The following PHLPP1 variants were observed in gnomAD, a reference collection of about 807,000 sequenced individuals.
PHLPP1 encodes the protein PH domain leucine-rich repeat-containing protein phosphatase 1.
PHLPP1 carries 42 observed loss-of-function variants against 117.2 expected under a neutral mutation model. The observed-to-expected ratio is 0.36, with a 90% confidence interval of 0.28 to 0.46. The LOEUF (loss-of-function observed/expected upper bound fraction) is 0.46. Ranked by LOEUF, PHLPP1 falls within the 20% of genes least tolerant of loss-of-function variation. PHLPP1 has a pLI of 1.00. For missense variants in PHLPP1, 2,084 were observed against 2,241.9 expected (o/e 0.93, Z 1.42); for synonymous variants, 1,042 against 970.7 (o/e 1.07, Z -1.37).
rs1413538193 is a variant in PHLPP1, at chr18:62,716,485, GGCCCCCGGCTGGC to G, written c.811_823del (p.Leu271SerfsTer78). 3.3e-6 allele frequency: 4 copies of G among 1,218,260 alleles called. No individual in the cohort carries two copies. The highest frequency in any genetic ancestry group is 4.1e-6 in the Non-Finnish European group (4 of 981,176). The allele number at this position is 1,218,260 out of a possible 1,614,324, so 75.5% of individuals were successfully genotyped here. A position where few individuals can be genotyped will look rare whatever the true frequency, so the allele number is the denominator to read the frequency against. On this transcript the variant is annotated frameshift_variant, in exon 1 of 17. Coordinates refer to ENST00000262719, the MANE Select transcript of PHLPP1 (RefSeq NM_194449.4). LOFTEE classifies it high-confidence loss of function. The surrounding 1 kb of genome is among the most constrained non-coding windows in gnomAD (Gnocchi z 5.7). ...GCCCGCTGAACCGCCCCCCGAGGCCGGCCCCCGGCTGGCGCCCCCGGAGCCGCGGGACTCGGAG... is the reference window on the plus strand; with the variant it reads ...GCCCGCTGAACCGCCCCCCGAGGCCGGCCCCCGGAGCCGCGGGACTCGGAG...
intron 1 of PHLPP1, among the ~76,000 whole-genome samples, chr18:62,762,671 C>T (rs1599032138): frequency 1.3e-5 from 2 of 152,084 alleles, no homozygotes; most frequent in Admixed American, 1.3e-4. Flanking sequence ...GCCTTGGCCT[C>T]CCAAAGTACT....
intron 10 of PHLPP1, among the ~76,000 whole-genome samples, chr18:62,935,688 A>T: frequency 6.6e-6 from 1 of 152,336 alleles, no homozygotes; most frequent in Non-Finnish European, 1.5e-5. Context: ...CGCCAGTACC[A>T]GGAAGTATAT....
chr18:62,940,876 A>G lies in PHLPP1; in HGVS notation c.2961-842A>G, dbSNP rs1333437608. 6.6e-5 allele frequency among the ~76,000 whole-genome samples: 10 copies of G among 152,304 alleles called. No individual in the cohort carries two copies. The East Asian group carries it at 1.5e-3, about 24-fold the overall frequency. On this transcript the variant is annotated intron_variant, in intron 10 of 16. Coordinates refer to ENST00000262719, the MANE Select transcript of PHLPP1 (RefSeq NM_194449.4). ...AGAACATTACAATATTTGAAACGTT[A>G]CACGCCGTCTCCTGGATACTGCCTC... is the stretch of plus-strand genomic sequence containing the variant.
rs561455182 is a variant in PHLPP1 at position 62,978,213 on chromosome 18, C to T, written c.3985-49C>T. On this transcript the variant is annotated intron_variant, in intron 16 of 16. Coordinates refer to ENST00000262719, the MANE Select transcript of PHLPP1 (RefSeq NM_194449.4). This position sits in a 1 kb window ranked among gnomAD's most constrained non-coding sequence, Gnocchi z 7.0. ...ACCCGCAGGGAACCTGCACAGTTGC[C>T]GCAGGTGCTCTGTATTAACTGTCTG... 5.6e-5 allele frequency: 63 copies of T among 1,129,736 alleles called. No homozygotes were observed. The highest frequency in any genetic ancestry group is 7.5e-5 in the Non-Finnish European group (58 of 776,446). 70.0% of individuals were successfully genotyped at this position (1,129,736 alleles called of 1,614,324 possible).
intron 11 of PHLPP1, among the ~76,000 whole-genome samples, chr18:62,943,389 G>T (rs747864318): frequency 6.6e-6 from 1 of 152,188 alleles, no homozygotes; most frequent in Admixed American, 6.5e-5. Context: ...TAGTCATTTT[G>T]TCTTCACATC....
At chr18:62,839,221 C>T (rs1372301714) in intron 3 of PHLPP1, 1 of 233,614 alleles carries the variant, frequency 4.3e-6, no homozygotes, top group African/African-American at 2.3e-5. Context: ...CAGGCTAAGA[C>T]AACTATAAAA....
At chr18:62,753,909 A>G (rs1434953119) in intron 1 of PHLPP1, among the ~76,000 whole-genome samples, 1 of 152,134 alleles carries the variant, frequency 6.6e-6, no homozygotes, top group African/African-American at 2.4e-5. Context: ...GATTGAGGCT[A>G]TTGCTTTTCC....
chr18:62,829,992 G>T (rs1195957839), intron 1 of PHLPP1, 43 bp from the exon 2 acceptor site: 1 of 1,470,486 alleles, frequency 6.8e-7, no homozygotes, highest in Non-Finnish European at 9.3e-7. Context: ...TAGGAAAAGG[G>T]TCCATTTTAA....
chr18:62,944,761 G>A (rs561592747), intron 11 of PHLPP1, among the ~76,000 whole-genome samples: 11 of 152,240 alleles, frequency 7.2e-5, no homozygotes, highest in African/African-American at 2.2e-4. Flanking sequence ...TATTGTATTA[G>A]TGCTGGCTTT....
chr18:62,965,756 AC>A (rs1910882867), intron 14 of PHLPP1, among the ~76,000 whole-genome samples: 1 of 150,682 alleles, frequency 6.6e-6, no homozygotes, highest in African/African-American at 2.4e-5. Context: ...ACTACTCCCA[AC>A]CTAGCCTCTT....
chr18:62,832,597 A>G (rs1193884177), intron 2 of PHLPP1, among the ~76,000 whole-genome samples: 1 of 152,206 alleles, frequency 6.6e-6, no homozygotes, highest in African/African-American at 2.4e-5. Context: ...TCCTCTTTTC[A>G]CAAGCAAAAC....
rs754889017 is a variant in PHLPP1, at chr18:62,972,715, C to T, written c.3755+7C>T. 28 of 1,596,780 alleles carry T rather than the reference C, an allele frequency of 1.8e-5. No individual in the cohort carries two copies. Among genetic ancestry groups the T allele is most frequent in the Non-Finnish European group, 2.1e-5 (25 of 1,165,366 alleles). ...CATTCATTGTCATGCAAAGGTAAAA[C>T]TCAGAGTTCCTGCTTACCTGCTGTG... On this transcript the variant is annotated splice_region_variant and intron_variant, in intron 15 of 16. Transcript: ENST00000262719.
intron 11 of PHLPP1, among the ~76,000 whole-genome samples, chr18:62,943,788 A>G (rs1044880422): frequency 1.3e-5 from 2 of 152,186 alleles, no homozygotes; most frequent in African/African-American, 4.8e-5. Flanking sequence ...GGAGGGGACA[A>G]ATAATCCAAA....
At chr18:62,916,757 T>C (rs1308536071) in intron 9 of PHLPP1, among the ~76,000 whole-genome samples, 1 of 121,278 alleles carries the variant, frequency 8.2e-6, no homozygotes, top group Non-Finnish European at 1.7e-5. Context: ...CTTTTTTTTT[T>C]TTTTTTTTTT....
chr18:62,795,034 C>T (rs1913583607), intron 1 of PHLPP1, among the ~76,000 whole-genome samples: 1 of 152,108 alleles, frequency 6.6e-6, no homozygotes, highest in Non-Finnish European at 1.5e-5. Context: ...TTGAAATCTG[C>T]TTTGATACTG....
rs113217057 is a variant in PHLPP1 at position 62,715,583 on chromosome 18, C to T, written c.-101C>T. On this transcript the variant is annotated 5_prime_UTR_variant, in exon 1 of 17. Transcript: ENST00000262719. ...GCCGCGCACAACGCCATTGGCTTCT[C>T]CCTTCTCCGCGCGCCGCCGCCGTCT... The T allele has an allele frequency of 0.068, 46,689 of 681,682 alleles. 1,849 individuals carry two copies. Among genetic ancestry groups the T allele is most frequent in the South Asian group, 0.088 (1,418 of 16,096 alleles). The allele number at this position is 681,682 out of a possible 1,614,324, so 42.2% of individuals were successfully genotyped here.
chr18:62,777,533 A>T (rs1451713738), intron 1 of PHLPP1, among the ~76,000 whole-genome samples: 3 of 150,768 alleles, frequency 2.0e-5, no homozygotes, highest in African/African-American at 4.8e-5. Flanking sequence ...CTTACATATT[A>T]TCTAAAGGGT....
chr18:62,816,296 T>C (rs1309820793), intron 1 of PHLPP1, among the ~76,000 whole-genome samples: 1 of 152,224 alleles, frequency 6.6e-6, no homozygotes, highest in Non-Finnish European at 1.5e-5. Context: ...CTGGGTGCAG[T>C]GGCTCACGCC....
chr18:62,879,603 G>T (rs986734438), intron 4 of PHLPP1, among the ~76,000 whole-genome samples: 1 of 152,052 alleles, frequency 6.6e-6, no homozygotes, highest in East Asian at 1.9e-4. Flanking sequence ...AGTAGACAGG[G>T]TTCACCGTGT....
Sources: allele counts gnomAD v4.1 joint callset (sites outside exome capture counted in the v4.1 genomes callset), GRCh38; gene constraint gnomAD v4.1.1; non-coding constraint Gnocchi (gnomAD v3.1); transcripts MANE v1.5; gene names NCBI Gene and HGNC (gene_info 2026-07-23, HGNC 2026-07-21).